PTPN4: variants seen among roughly 807,000 people sequenced by gnomAD.
PTPN4 encodes the protein tyrosine-protein phosphatase non-receptor type 4.
Under a neutral mutation model 135.5 loss-of-function variants are expected in PTPN4, and 49 were observed. The ratio of observed to expected loss-of-function variants is 0.36; its 90% CI spans 0.29 to 0.46. The LOEUF is 0.46. Among genes scored for constraint, PTPN4 ranks in the 20% least tolerant of loss-of-function variants. PTPN4 has a pLI of 1.00. For missense variants in PTPN4, 860 were observed against 1,101.0 expected (o/e 0.78, Z 3.10); for synonymous variants, 333 against 369.9 (o/e 0.90, Z 1.14).
At chr2:119,838,991 T>C (rs924252951) in intron 2 of PTPN4, among the ~76,000 whole-genome samples, 20 of 152,338 alleles carry the variant, frequency 1.3e-4, no homozygotes, top group African/African-American at 4.8e-4. Flanking sequence ...AGTTTTCTTA[T>C]GTACTTATTC....
chr2:119,976,333 C>CT (rs1322143907), intron 26 of PTPN4, among the ~76,000 whole-genome samples: 3 of 151,264 alleles, frequency 2.0e-5, no homozygotes, highest in East Asian at 1.9e-4. Flanking sequence ...TCTTCCATTG[C>CT]TTTTTTTTTC....
At chr2:119,882,074 G>A (rs1459768058) in intron 6 of PTPN4, 23 bp from the exon 7 acceptor site, 6 of 1,579,116 alleles carry the variant, frequency 3.8e-6, no homozygotes, top group East Asian at 2.2e-5. Flanking sequence ...CTTCGGTTGT[G>A]TATTTTTGTT....
In PTPN4 at chr2:119,983,690, A is replaced by G. The variant is rs1679726498; in HGVS notation, c.*6620A>G. 1 of 152,206 alleles carries G rather than the reference A, an allele frequency of 6.6e-6. No individual in the cohort carries two copies. The highest frequency in any genetic ancestry group is 1.5e-5 in the Non-Finnish European group (1 of 68,038). 9.4% of individuals were successfully genotyped at this position (152,206 alleles called of 1,614,324 possible). The stretch of plus-strand genomic sequence containing the variant: ...TGTTGGAGGTCATTAGATTGGACCC[A>G]GGTTTAAATATAATGATCTCTTCAC... On this transcript the variant is annotated 3_prime_UTR_variant, in exon 27 of 27. Coordinates refer to ENST00000263708, the MANE Select transcript of PTPN4 (RefSeq NM_002830.4).
At chr2:119,796,856 GTT>G (rs1467604419) in intron 1 of PTPN4, among the ~76,000 whole-genome samples, 4 of 95,042 alleles carry the variant, frequency 4.2e-5, no homozygotes, top group Middle Eastern at 4.5e-3. Flanking sequence ...CATTGTCACT[GTT>G]TTTGTGTGTG....
intron 2 of PTPN4, among the ~76,000 whole-genome samples, chr2:119,841,685 T>C (rs1194831609): frequency 6.6e-6 from 1 of 151,982 alleles, no homozygotes; most frequent in African/African-American, 2.4e-5. Context: ...ATTTATGTTC[T>C]CTCTACCAGT....
chr2:119,977,246 A>G lies in PTPN4; in HGVS notation c.*176A>G. On this transcript the variant is annotated 3_prime_UTR_variant, in exon 27 of 27. Transcript: ENST00000263708. ...TTTTAAAAAATGTCACTCTTTCAAA[A>G]TCTATAACTCATGTATTTGAAGACT... 2 of 1,042,000 alleles carry G rather than the reference A, an allele frequency of 1.9e-6. No individual in the cohort carries two copies. Among genetic ancestry groups the G allele is most frequent in the Non-Finnish European group, 2.5e-6 (2 of 792,416 alleles). The allele number at this position is 1,042,000 out of a possible 1,614,324, so 64.5% of individuals were successfully genotyped here. A position where few individuals can be genotyped will look rare whatever the true frequency, so the allele number is the denominator to read the frequency against.
Position 119,881,817 on chromosome 2 carries a change from A to G in PTPN4, c.400A>G (p.Ile134Val), listed in dbSNP as rs756957077. The change falls in exon 6 of 27, where the codon ATT (isoleucine) becomes GTT (valine). Residue 134 changes from isoleucine to valine, a missense_variant. Physicochemically the swap from Ile to Val is conservative, Grantham distance 29 (BLOSUM62 3). Around this residue, in one of 2 missense-constraint regions of PTPN4, gnomAD observed 684 missense variants for 807.0 expected, o/e 0.85. Transcript: ENST00000263708. ...YQYFLQIKQDILTGRLPCPSN... is the reference protein window; with the variant it reads ...YQYFLQIKQDVLTGRLPCPSN... The stretch of plus-strand genomic sequence containing the variant: ...GTATTTTTTGCAAATTAAACAAGAC[A>G]TTCTTACTGGAAGGTGGGCTCTTTA... The G allele has an allele frequency of 6.4e-7, 1 of 1,564,734 alleles. No individual in the cohort carries two copies. Among genetic ancestry groups the G allele is most frequent in the South Asian group, 1.2e-5 (1 of 85,774 alleles).
chr2:119,874,368 G>T (rs551532099), intron 3 of PTPN4, among the ~76,000 whole-genome samples: 50 of 152,144 alleles, frequency 3.3e-4, no homozygotes, highest in Non-Finnish European at 4.9e-4. Flanking sequence ...ACACAAAAAT[G>T]TGTACACAAA....
At chr2:119,785,085 A>G (rs1025764547) in intron 1 of PTPN4, among the ~76,000 whole-genome samples, 2 of 152,160 alleles carry the variant, frequency 1.3e-5, no homozygotes, top group Non-Finnish European at 2.9e-5. Flanking sequence ...GTCCTGTGCA[A>G]TCCGTGATGT....
intron 2 of PTPN4, among the ~76,000 whole-genome samples, chr2:119,833,828 G>A (rs941729917): frequency 1.3e-5 from 2 of 152,022 alleles, no homozygotes; most frequent in Non-Finnish European, 2.9e-5. Context: ...TCTCATCTTG[G>A]GCTTATGGGA....
At chr2:119,812,116 C>G (rs568780342) in intron 2 of PTPN4, among the ~76,000 whole-genome samples, 1 of 152,208 alleles carries the variant, frequency 6.6e-6, no homozygotes, top group South Asian at 2.1e-4. Flanking sequence ...CCATTCAAAC[C>G]AAAAGAGTTG....
chr2:119,909,974 A>G (rs1386260269), intron 10 of PTPN4, among the ~76,000 whole-genome samples: 1 of 152,162 alleles, frequency 6.6e-6, no homozygotes, highest in Admixed American at 6.6e-5. Flanking sequence ...ATGAGCAAAG[A>G]AAGTGATTTT....
intron 11 of PTPN4, among the ~76,000 whole-genome samples, chr2:119,917,593 G>A (rs1192103078): frequency 6.6e-6 from 1 of 152,028 alleles, no homozygotes; most frequent in Non-Finnish European, 1.5e-5. Context: ...AAATGGTTGT[G>A]GTGGCACACA....
At chr2:119,805,426 C>T (rs1321038836) in intron 1 of PTPN4, among the ~76,000 whole-genome samples, 1 of 152,106 alleles carries the variant, frequency 6.6e-6, no homozygotes, top group Non-Finnish European at 1.5e-5. Flanking sequence ...GGTTTTAGGT[C>T]TAACATTTAA....
At chr2:119,922,954 T>C (rs1310664998) in intron 12 of PTPN4, among the ~76,000 whole-genome samples, 1 of 152,246 alleles carries the variant, frequency 6.6e-6, no homozygotes, top group Non-Finnish European at 1.5e-5. Context: ...GCACAGAGTT[T>C]ATAATATTCC....
rs116445711 is a variant in PTPN4 at position 119,972,116 on chromosome 2, A to G, written c.2694+4144A>G. On this transcript the variant is annotated intron_variant, in intron 26 of 26. Transcript: ENST00000263708. ...TTTCATTTTCCAGCTTGATTTAGCTATTCTATGCCCCTTGCATTTTCATAT... is the reference window on the plus strand; with the variant it reads ...TTTCATTTTCCAGCTTGATTTAGCTGTTCTATGCCCCTTGCATTTTCATAT... Among the ~76,000 whole-genome samples, 493 of 152,154 alleles carry G rather than the reference A, an allele frequency of 3.2e-3. 2 individuals carry two copies. The highest frequency in any genetic ancestry group is 0.011 in the African/African-American group (466 of 41,538).
intron 2 of PTPN4, among the ~76,000 whole-genome samples, chr2:119,821,957 A>G (rs1379356373): frequency 2.0e-5 from 3 of 151,872 alleles, no homozygotes; most frequent in Admixed American, 2.0e-4. Context: ...GTTTGTAGAC[A>G]TTTAAAACGT....
chr2:119,932,351 A>G (rs1678919364), intron 13 of PTPN4, 73 bp from the exon 14 acceptor site: 1 of 1,376,474 alleles, frequency 7.3e-7, no homozygotes, highest in African/African-American at 1.5e-5. Flanking sequence ...CTGAAAACAA[A>G]TTGTAGGATT....
At chr2:119,802,379 G>A (rs1054809306) in intron 1 of PTPN4, among the ~76,000 whole-genome samples, 13 of 152,142 alleles carry the variant, frequency 8.5e-5, no homozygotes, top group African/African-American at 3.1e-4. Context: ...TTATGTTGAA[G>A]AAGATCCCTT....
Sources: gnomAD v4.1 joint callset for allele counts (sites outside exome capture counted in the v4.1 genomes callset) on GRCh38, gnomAD v4.1.1 for gene constraint, gnomAD v4.1.1 regional missense constraint, MANE v1.5 for transcripts, NCBI Gene and HGNC (gene_info 2026-07-23, HGNC 2026-07-21) for gene names.